TRAPPC11: variants seen among roughly 807,000 people sequenced by gnomAD.
The protein encoded by TRAPPC11 is foie gras homolog.
TRAPPC11 carries 104 observed loss-of-function variants against 151.2 expected under a neutral mutation model. The ratio of observed to expected loss-of-function variants is 0.69; its 90% CI spans 0.59 to 0.81. TRAPPC11 has a LOEUF of 0.81. Ranked by LOEUF, TRAPPC11 falls within the 30% of genes least tolerant of loss-of-function variation. The pLI, the probability that TRAPPC11 is intolerant of heterozygous loss-of-function variation, is 0.00. For synonymous variants in TRAPPC11, 456 were observed against 472.3 expected, an observed-to-expected ratio of 0.97 and a Z score of 0.45; for missense variants, 1,230 against 1,349.6, an observed-to-expected ratio of 0.91 and a Z score of 1.39.
chr4:183,684,808 T>C lies in TRAPPC11; in HGVS notation c.1534T>C (p.Tyr512His), dbSNP rs1735881348. The C allele has an allele frequency of 6.2e-7, 1 of 1,613,884 alleles. No individual in the cohort carries two copies. The highest frequency in any genetic ancestry group is 1.3e-5 in the African/African-American group (1 of 74,930). The stretch of plus-strand genomic sequence containing the variant: ...CTACCTCATGGCCCAATTAAAGGAT[T>C]ACATTACTTACTCCCTAGAACTCCT... ...CSYLMAQLKD[Y>H]ITYSLELLGR... The change falls in exon 15 of 30, where the codon TAC becomes CAC. Residue 512 changes from tyrosine to histidine, a missense_variant. By Grantham distance (83) the Tyr-to-His change is moderately conservative. Coordinates refer to ENST00000334690, the MANE Select transcript of TRAPPC11 (RefSeq NM_021942.6).
At chr4:183,698,774 A>G (rs978688353) in intron 25 of TRAPPC11, among the ~76,000 whole-genome samples, 1 of 151,944 alleles carries the variant, frequency 6.6e-6, no homozygotes, top group African/African-American at 2.4e-5. Context: ...CTGCCACACG[A>G]CCTTAGGCTG....
intron 25 of TRAPPC11, 38 bp downstream of exon 25, chr4:183,697,873 T>C (rs750263949): frequency 6.3e-7 from 1 of 1,578,956 alleles, no homozygotes; most frequent in Non-Finnish European, 8.6e-7. Context: ...ACCAGGAGAA[T>C]TGTGCGCGCG....
At chr4:183,694,433 C>G (rs1396235737) in intron 22 of TRAPPC11, among the ~76,000 whole-genome samples, 171 bp from the exon 23 acceptor site, 1 of 152,150 alleles carries the variant, frequency 6.6e-6, no homozygotes, top group Non-Finnish European at 1.5e-5. Flanking sequence ...TCAGAGTACT[C>G]TACTACAGTG....
rs1579160317 is a variant in TRAPPC11, at chr4:183,667,117, C to T, written c.432C>T (p.Thr144=). The T allele has an allele frequency of 6.2e-7, 1 of 1,602,758 alleles. No homozygotes were observed. Among genetic ancestry groups the T allele is most frequent in the Non-Finnish European group, 8.5e-7 (1 of 1,172,618 alleles). The change falls in exon 4 of 30, where the codon ACC becomes ACT. Residue 144 remains threonine, a synonymous_variant. Transcript: ENST00000334690. ...KVAVVLIQKK[T]PLPPGEDVIA... is the part of the protein sequence containing the mutation. ...CAGTGGTTCTGATTCAGAAGAAAAC[C>T]CCTTTGCCCCCAGGTATCAGAAGTC...
intron 4 of TRAPPC11, 124 bp downstream of exon 4, chr4:183,667,254 CT>C: frequency 1.5e-6 from 1 of 675,222 alleles, no homozygotes; most frequent in South Asian, 2.3e-5. Context: ...AGTATGTTAA[CT>C]TTAAAAAGCA....
chr4:183,707,364 G>T (rs982390155), intron 28 of TRAPPC11, among the ~76,000 whole-genome samples: 5 of 151,750 alleles, frequency 3.3e-5, no homozygotes, highest in Non-Finnish European at 7.4e-5. Context: ...ATTTTGCGTA[G>T]AATATACTTA....
At chr4:183,671,642 A>G (rs1048719560) in intron 5 of TRAPPC11, among the ~76,000 whole-genome samples, 3 of 152,240 alleles carry the variant, frequency 2.0e-5, no homozygotes, top group African/African-American at 7.2e-5. Flanking sequence ...TTTTAGACAT[A>G]AATCTGCATC....
At chr4:183,685,208 A>T in intron 16 of TRAPPC11, 63 bp downstream of exon 16, 2 of 1,610,064 alleles carry the variant, frequency 1.2e-6, no homozygotes, top group Non-Finnish European at 8.5e-7. Flanking sequence ...ATCTATATCA[A>T]CTAATCCAAG....
chr4:183,712,091 CTT>C lies in TRAPPC11; in HGVS notation c.3358-505_3358-504del, dbSNP rs1011882053. ...CATGCATTGGAGTTCACTGCAGACA[CTT>C]TTTCTCAAACAGGAGATTGGGCAAC... On this transcript the variant is annotated intron_variant, in intron 29 of 29. Transcript: ENST00000334690. Among the ~76,000 whole-genome samples the C allele has an allele frequency of 8.5e-5, 13 of 152,324 alleles. No homozygotes were observed. The East Asian group carries it at 2.5e-3, about 29-fold the overall frequency.
chr4:183,682,679 G>T, intron 10 of TRAPPC11, 53 bp from the exon 11 acceptor site: 1 of 1,267,404 alleles, frequency 7.9e-7, no homozygotes, highest in South Asian at 1.5e-5. Flanking sequence ...GGCAAGAGTT[G>T]ATTTGCGATG....
chr4:183,680,670 A>ATGG (rs1346661135), intron 10 of TRAPPC11, among the ~76,000 whole-genome samples: 3 of 130,628 alleles, frequency 2.3e-5, no homozygotes. Flanking sequence ...GTTTTCCTGT[A>ATGG]TGGAGACTCT....
chr4:183,707,536 G>C (rs1737135424), intron 28 of TRAPPC11, among the ~76,000 whole-genome samples: 1 of 152,092 alleles, frequency 6.6e-6, no homozygotes. Flanking sequence ...GTCCTCCACT[G>C]TCAGAGGGAT....
At chr4:183,665,010 C>T (rs569094318) in intron 2 of TRAPPC11, among the ~76,000 whole-genome samples, 1 of 151,964 alleles carries the variant, frequency 6.6e-6, no homozygotes, top group East Asian at 1.9e-4. Flanking sequence ...ATATACTCAG[C>T]CCTGGAAACT....
rs1173009092 is a variant in TRAPPC11, at chr4:183,661,392, G to T, written c.-22+1945G>T. Among the ~76,000 whole-genome samples the T allele has an allele frequency of 2.4e-3, 295 of 120,666 alleles. 3 individuals are homozygous for T. Among genetic ancestry groups the T allele is most frequent in the African/African-American group, 8.7e-3 (278 of 32,122 alleles). 79.2% of individuals were successfully genotyped at this position (120,666 alleles called of 152,430 possible). On this transcript the variant is annotated intron_variant, in intron 1 of 29. Transcript: ENST00000334690. ...TTTTTTTTTTTTTTTTTTTTGAGAC[G>T]GAGTCTCCTCGCTCTGTCGCCCAGG...
At chr4:183,683,837 C>T in intron 11 of TRAPPC11, 138 bp from the exon 12 acceptor site, 1 of 720,752 alleles carries the variant, frequency 1.4e-6, no homozygotes, top group South Asian at 1.8e-5. Flanking sequence ...CTCTTAGCAC[C>T]TTTACGATTC....
chr4:183,685,470 C>G (rs1735919005), intron 17 of TRAPPC11, 67 bp downstream of exon 17: 2 of 1,499,940 alleles, frequency 1.3e-6, no homozygotes, highest in African/African-American at 2.8e-5. Flanking sequence ...TGAATAGGTG[C>G]AGAATAATAA....
intron 5 of TRAPPC11, among the ~76,000 whole-genome samples, chr4:183,670,860 A>G (rs1161990882): frequency 6.6e-6 from 1 of 152,042 alleles, no homozygotes; most frequent in Non-Finnish European, 1.5e-5. Context: ...GTCTTGGCTC[A>G]CTGCAACCTC....
At chr4:183,661,145 G>C (rs1376392060) in intron 1 of TRAPPC11, among the ~76,000 whole-genome samples, 3 of 151,998 alleles carry the variant, frequency 2.0e-5, no homozygotes, top group South Asian at 2.1e-4. Context: ...ACAATCTGTT[G>C]TAGACATTTC....
rs763982471 is a variant in TRAPPC11 at position 183,694,589 on chromosome 4, T to C, written c.2509-15T>C. The C allele has an allele frequency of 1.9e-6, 3 of 1,607,002 alleles. No homozygotes were observed. The African/African-American group carries it at 4.0e-5, about 21-fold the overall frequency. ...CTGTAATACTAATTAAATTACAACA[T>C]TTATTTTGTTACAGCTGGAAAAAAT... On this transcript the variant is annotated splice_polypyrimidine_tract_variant and intron_variant, in intron 22 of 29. Transcript: ENST00000334690.
Sources: allele counts gnomAD v4.1 joint callset (sites outside exome capture counted in the v4.1 genomes callset), GRCh38; gene constraint gnomAD v4.1.1; transcripts MANE v1.5; gene names NCBI Gene and HGNC (gene_info 2026-07-23, HGNC 2026-07-21).